Variants in CCAR2 observed in about 807,000 individuals in gnomAD.
CCAR2 encodes cell cycle and apoptosis regulator protein 2.
Under a neutral mutation model 108.1 loss-of-function variants are expected in CCAR2, and 21 were observed. That is an observed-to-expected ratio of 0.19 (90% confidence interval 0.14 to 0.28). The LOEUF is 0.28. Ranked by LOEUF, CCAR2 falls within the 10% of genes least tolerant of loss-of-function variation. The pLI, the probability that CCAR2 is intolerant of heterozygous loss-of-function variation, is 1.00. For synonymous variants in CCAR2, 577 were observed against 472.8 expected, an observed-to-expected ratio of 1.22 and a Z score of -2.86; for missense variants, 1,126 against 1,177.0, an observed-to-expected ratio of 0.96 and a Z score of 0.63.
intron 8 of CCAR2, among the ~76,000 whole-genome samples, chr8:22,613,596 C>T (rs1398430446): frequency 1.3e-5 from 2 of 152,220 alleles, no homozygotes; most frequent in East Asian, 1.9e-4. Context: ...CCCTTCTGCT[C>T]TAACCAGTGG....
downstream of CCAR2, chr8:22,621,313 ACCAGGGCCACCTCTGT>A: frequency 5.7e-6 from 8 of 1,412,312 alleles, no homozygotes; most frequent in South Asian, 1.1e-4. Context: ...CGGCAAGTGA[ACCAGGGCCACCTCTGT>A]CCCCAGCCTG....
At position 22,606,900 on chromosome 8, in the gene CCAR2, G is replaced by A; in HGVS notation, c.243-10G>A. ...CTTCTGATGGGGCCTTCTGGCTTGT[G>A]TGCTGACAGTGTGGTGAAGGGCCGT... On this transcript the variant is annotated splice_polypyrimidine_tract_variant and intron_variant, in intron 4 of 20. Transcript: ENST00000308511. The A allele has an allele frequency of 6.2e-7, 1 of 1,613,892 alleles. No individual in the cohort carries two copies. The highest frequency in any genetic ancestry group is 8.5e-7 in the Non-Finnish European group (1 of 1,179,850).
At chr8:22,607,119 G>A in intron 5 of CCAR2, 77 bp from the exon 6 acceptor site, 1 of 1,608,690 alleles carries the variant, frequency 6.2e-7, no homozygotes, top group Non-Finnish European at 8.5e-7. Context: ...TTGTCAGGGG[G>A]GTGGGACTGC....
Position 22,614,150 on chromosome 8 carries a change from G to T in CCAR2, c.763G>T (p.Asp255Tyr), listed in dbSNP as rs368910038. 2 of 1,614,066 alleles carry T rather than the reference G, an allele frequency of 1.2e-6. No individual in the cohort carries two copies. ...RRYRSLLVPS[D>Y]FLSVHLSWLS... ...TTACCGCAGCCTCCTGGTCCCCTCA[G>T]ATTTTCTGTCCGTGCATCTGAGTTG... The change falls in exon 9 of 21, where the codon GAT becomes TAT. Residue 255 changes from aspartate to tyrosine, a missense_variant. Around this residue, in one of 4 missense-constraint regions of CCAR2, gnomAD observed 1,013 missense variants for 993.9 expected, o/e 1.02. Coordinates refer to ENST00000308511, the MANE Select transcript of CCAR2 (RefSeq NM_001393997.1).
rs1288099453 is a variant in CCAR2 at position 22,620,021 on chromosome 8, G to GAGAA, written c.*341_*344dup. Reference sequence around the variant, plus strand: ...TCTTCCAGTTTAGAATAAGACAGGGGAGAAAAAGGCTTTTCGAGTGTGGGA... The same window carrying GAGAA: ...TCTTCCAGTTTAGAATAAGACAGGGGAGAAAGAAAAAGGCTTTTCGAGTGTGGGA... On this transcript the variant is annotated 3_prime_UTR_variant, in exon 21 of 21. Transcript: ENST00000308511. 10 of 320,328 alleles carry GAGAA rather than the reference G, an allele frequency of 3.1e-5. No individual in the cohort carries two copies. The highest frequency in any genetic ancestry group is 2.1e-4 in the African/African-American group (10 of 47,484). 19.8% of individuals were successfully genotyped at this position (320,328 alleles called of 1,614,324 possible). A position where few individuals can be genotyped will look rare whatever the true frequency, so the allele number is the denominator to read the frequency against.
downstream of CCAR2, chr8:22,621,446 G>T: frequency 6.2e-7 from 1 of 1,613,632 alleles, no homozygotes; most frequent in Non-Finnish European, 8.5e-7. Flanking sequence ...CAATGGAGAG[G>T]GCCCGGAGCT....
chr8:22,606,886 G>A lies in CCAR2; in HGVS notation c.243-24G>A, dbSNP rs1032161498. On this transcript the variant is annotated intron_variant, in intron 4 of 20. Transcript: ENST00000308511. ...TGGCCAGGGTCCCTCTTCTGATGGGGCCTTCTGGCTTGTGTGCTGACAGTG... is the reference window on the plus strand; with the variant it reads ...TGGCCAGGGTCCCTCTTCTGATGGGACCTTCTGGCTTGTGTGCTGACAGTG... The A allele has an allele frequency of 2.5e-6, 4 of 1,610,936 alleles. No individual in the cohort carries two copies. In the East Asian group the frequency reaches 8.9e-5, roughly 36 times the overall value.
rs1324856197 is a variant in CCAR2, at chr8:22,619,905, A to T, written c.*223A>T. On this transcript the variant is annotated 3_prime_UTR_variant, in exon 21 of 21. Transcript: ENST00000308511. ...CGGTTCCACTTAACAACTAAATACA[A>T]CATCTTTTGCACCCCTAGAATGTCA... is the stretch of plus-strand genomic sequence containing the variant. The T allele has an allele frequency of 5.2e-6, 3 of 576,498 alleles. No individual in the cohort carries two copies. Among genetic ancestry groups the T allele is most frequent in the Admixed American group, 3.0e-5 (1 of 33,432 alleles). The allele number at this position is 576,498 out of a possible 1,614,324, so 35.7% of individuals were successfully genotyped here. A position where few individuals can be genotyped will look rare whatever the true frequency, so the allele number is the denominator to read the frequency against.
intron 14 of CCAR2, chr8:22,616,794 C>A (rs114864922): frequency 1.5e-5 from 2 of 135,042 alleles, no homozygotes; most frequent in Admixed American, 1.5e-4. Context: ...CCAGCCTGGG[C>A]GAGAGAGTAA....
chr8:22,612,202 C>T (rs1801312607), intron 7 of CCAR2, among the ~76,000 whole-genome samples: 1 of 152,192 alleles, frequency 6.6e-6, no homozygotes, highest in South Asian at 2.1e-4. Context: ...CCACTTCGGC[C>T]TCCCTAAGTG....
In CCAR2 at chr8:22,620,110, G is replaced by GCCC. The variant is rs1368218645; in HGVS notation, c.*431_*433dup. 5.5e-6 allele frequency: 1 copy of GCCC among 183,326 alleles called. No individual in the cohort carries two copies. The highest frequency in any genetic ancestry group is 1.2e-5 in the Non-Finnish European group (1 of 86,042). 11.4% of individuals were successfully genotyped at this position (183,326 alleles called of 1,614,324 possible). On this transcript the variant is annotated 3_prime_UTR_variant, in exon 21 of 21. Coordinates refer to ENST00000308511, the MANE Select transcript of CCAR2 (RefSeq NM_001393997.1). Reference sequence around the variant, plus strand: ...CATGGAGCCTGGCTGGGGCTAAGCAGCCCCCTCCTCCGGATGGCACAGGCT... The same window carrying GCCC: ...CATGGAGCCTGGCTGGGGCTAAGCAGCCCCCCCCTCCTCCGGATGGCACAGGCT...
At position 22,615,797 on chromosome 8, in the gene CCAR2, C is replaced by T. The variant is rs755390773; in HGVS notation, c.1493C>T (p.Pro498Leu). 6 of 1,613,874 alleles carry T rather than the reference C, an allele frequency of 3.7e-6. No individual in the cohort carries two copies. In the East Asian group the frequency reaches 1.3e-4, roughly 36 times the overall value. Residue 498 changes from proline (P) to leucine (L), a missense_variant, in exon 13 of 21, where the codon CCA becomes CTA. Pro to Leu is a moderately conservative substitution (Grantham distance 98). This residue lies in a region of CCAR2 where 1,013 missense variants were observed against 993.9 expected (regional missense o/e 1.02). Transcript: ENST00000308511. ...TTQQETDTDL[P>L]EAPPPPLEPA... ...CAGCAGGAAACGGACACTGATCTCC[C>T]AGAGGCCCCTCCACCCCCCCTAGAA...
At chr8:22,614,579 C>A (rs1197024553) in intron 10 of CCAR2, 76 bp downstream of exon 10, 1 of 1,370,628 alleles carries the variant, frequency 7.3e-7, no homozygotes, top group Non-Finnish European at 1.0e-6. Flanking sequence ...TGTTCGGCTC[C>A]TGTTCCTGAA....
intron 16 of CCAR2, chr8:22,618,035 A>G: frequency 3.4e-6 from 2 of 592,172 alleles, no homozygotes; most frequent in Admixed American, 3.0e-5. Context: ...AAAGTGGGCC[A>G]GAGAGGAAGG....
downstream of CCAR2, chr8:22,621,284 GTCAT>G (rs1358790372): frequency 1.8e-5 from 21 of 1,181,074 alleles, no homozygotes; most frequent in Non-Finnish European, 2.3e-5. Flanking sequence ...CTCAGGAAGA[GTCAT>G]TCATTGCAAA....
chr8:22,616,290 G>C, intron 14 of CCAR2, 42 bp downstream of exon 14: 2 of 1,572,010 alleles, frequency 1.3e-6, no homozygotes, highest in Non-Finnish European at 1.7e-6. Context: ...TGCTTACCGT[G>C]ACCGCGCACC....
chr8:22,613,598 A>G (rs1801380405), intron 8 of CCAR2, among the ~76,000 whole-genome samples: 1 of 152,214 alleles, frequency 6.6e-6, no homozygotes. Flanking sequence ...CTTCTGCTCT[A>G]ACCAGTGGGG....
Position 22,619,607 on chromosome 8 carries a change from C to G in CCAR2, c.2728-31C>G, listed in dbSNP as rs752536976. On this transcript the variant is annotated intron_variant, in intron 20 of 20. Transcript: ENST00000308511. The stretch of plus-strand genomic sequence containing the variant: ...AGTCCTCAGATCACCTTGCCAGGCC[C>G]GATTCTGGGTACATCATCTGTTTCA... The G allele has an allele frequency of 2.6e-6, 4 of 1,536,646 alleles. No homozygotes were observed. The African/African-American group carries it at 4.6e-5, about 18-fold the overall frequency.
chr8:22,619,334 G>A lies in CCAR2; in HGVS notation c.2706G>A (p.Glu902=). 6.4e-7 allele frequency: 1 copy of A among 1,560,842 alleles called. No homozygotes were observed. The highest frequency in any genetic ancestry group is 2.4e-5 in the East Asian group (1 of 41,914). The change falls in exon 20 of 21, where the codon GAG becomes GAA. Residue 902 remains glutamate (E), a synonymous_variant. Transcript: ENST00000308511. ...LRRRLTPLQL[E]IQRVVEKADS... Reference sequence around the variant, plus strand: ...GGCGTCTGACCCCCCTGCAGCTGGAGATCCAGCGGGTGGTGGAAAAGGTAA... The same window carrying A: ...GGCGTCTGACCCCCCTGCAGCTGGAAATCCAGCGGGTGGTGGAAAAGGTAA...
Sources: allele counts gnomAD v4.1 joint callset (sites outside exome capture counted in the v4.1 genomes callset), GRCh38; gene constraint gnomAD v4.1.1; regional missense constraint gnomAD v4.1.1; transcripts MANE v1.5; gene names NCBI Gene and HGNC (gene_info 2026-07-23, HGNC 2026-07-21).